ELMO1: variants seen among roughly 807,000 people sequenced by gnomAD.
The protein encoded by ELMO1 is engulfment and cell motility 1, also known as engulfment and cell motility protein 1.
A neutral mutation model predicts 98.9 loss-of-function variants in ELMO1; 26 were observed. That is an observed-to-expected ratio of 0.26 (90% CI 0.19 to 0.36). The LOEUF (loss-of-function observed/expected upper bound fraction) is 0.36, where lower values mean the gene tolerates loss of function less well. Ranked by LOEUF, ELMO1 falls within the 10% of genes least tolerant of loss-of-function variation. The pLI is 1.00. For missense variants in ELMO1, 627 were observed against 935.2 expected, an observed-to-expected ratio of 0.67 and a Z score of 4.30; for synonymous variants, 346 against 346.0, an observed-to-expected ratio of 1.00 and a Z score of 0.00.
intron 13 of ELMO1, among the ~76,000 whole-genome samples, chr7:37,180,457 T>C (rs1337965658): frequency 6.6e-6 from 1 of 151,826 alleles, no homozygotes. Flanking sequence ...CCTAGAAATG[T>C]CAAGGTCAAA....
At chr7:37,207,070 C>T (rs1422556776) in intron 13 of ELMO1, among the ~76,000 whole-genome samples, 1 of 152,138 alleles carries the variant, frequency 6.6e-6, no homozygotes. Flanking sequence ...AGGGCTCTAG[C>T]CAGGAACACA....
chr7:37,341,332 C>G lies in ELMO1; in HGVS notation c.78+1281G>C, dbSNP rs565194844. Among the ~76,000 whole-genome samples, 4 of 152,276 alleles carry G rather than the reference C, an allele frequency of 2.6e-5. No homozygotes were observed. In the East Asian group the frequency reaches 7.7e-4, roughly 29 times the overall value. ...AATCCAAACTACATTTAGTCTGCACCGAGTATCTCCAAACATTTTCTTAAG... is the reference window on the plus strand; with the variant it reads ...AATCCAAACTACATTTAGTCTGCACGGAGTATCTCCAAACATTTTCTTAAG... On this transcript the variant is annotated intron_variant, in intron 2 of 21. Transcript: ENST00000310758.
intron 15 of ELMO1, among the ~76,000 whole-genome samples, chr7:37,068,712 G>T (rs2129222442): frequency 1.3e-5 from 2 of 152,240 alleles, no homozygotes; most frequent in Middle Eastern, 3.4e-3. Context: ...ACTAAGGAGT[G>T]TTCATGCTGG....
Position 37,082,647 on chromosome 7 carries a change from C to G in ELMO1, c.1300+13972G>C, listed in dbSNP as rs1258096995. Among the ~76,000 whole-genome samples, 6 of 152,282 alleles carry G rather than the reference C, an allele frequency of 3.9e-5. No individual in the cohort carries two copies. In the East Asian group the frequency reaches 1.2e-3, roughly 29 times the overall value. On this transcript the variant is annotated intron_variant, in intron 15 of 21. Coordinates refer to ENST00000310758, the MANE Select transcript of ELMO1 (RefSeq NM_014800.11). ...TTGGGAGGCTGATATGGGAGGATCA[C>G]TTGAACCTGGGAAGCAGAGGTTGCA... is the stretch of plus-strand genomic sequence containing the variant.
chr7:37,060,396 T>A (rs903458502), intron 15 of ELMO1, among the ~76,000 whole-genome samples: 22 of 152,108 alleles, frequency 1.4e-4, no homozygotes, highest in Non-Finnish European at 3.2e-4. Flanking sequence ...CCTGAGTGAA[T>A]TAACCCAGGA....
rs560326684 is a variant in ELMO1, at chr7:37,103,072, A to T, written c.1192-6345T>A. ...TTATCCATAAAGGGTCGTAAAGATTAAATGGGAAAGCAAAATGGAAGTAAA... is the reference window on the plus strand; with the variant it reads ...TTATCCATAAAGGGTCGTAAAGATTTAATGGGAAAGCAAAATGGAAGTAAA... On this transcript the variant is annotated intron_variant, in intron 14 of 21. Transcript: ENST00000310758. Among the ~76,000 whole-genome samples, 5 of 152,364 alleles carry T rather than the reference A, an allele frequency of 3.3e-5. No homozygotes were observed. The South Asian group carries it at 1.0e-3, about 32-fold the overall frequency.
At chr7:37,149,560 T>C (rs1040218195) in intron 13 of ELMO1, among the ~76,000 whole-genome samples, 1 of 152,228 alleles carries the variant, frequency 6.6e-6, no homozygotes, top group African/African-American at 2.4e-5. Flanking sequence ...ACAAAAGTCA[T>C]ATTGGAACTC....
chr7:37,099,743 G>A (rs989529740), intron 14 of ELMO1, among the ~76,000 whole-genome samples: 17 of 152,180 alleles, frequency 1.1e-4, no homozygotes, highest in African/African-American at 3.9e-4. Flanking sequence ...TAATAAAGTA[G>A]GTATTATTAG....
intron 16 of ELMO1, among the ~76,000 whole-genome samples, chr7:36,964,370 A>T (rs1789229570): frequency 6.6e-6 from 1 of 152,222 alleles, no homozygotes; most frequent in South Asian, 2.1e-4. Flanking sequence ...AACGTAAAGT[A>T]TATTTTATAA....
intron 15 of ELMO1, among the ~76,000 whole-genome samples, chr7:37,080,600 ATTTTTTTTT>A (rs764259726): frequency 3.5e-4 from 37 of 105,220 alleles, no homozygotes; most frequent in Admixed American, 1.1e-3. Flanking sequence ...ACCACGCCTA[ATTTTTTTTT>A]TTTTTTTTTT....
intron 14 of ELMO1, among the ~76,000 whole-genome samples, chr7:37,103,047 T>C (rs1048127443): frequency 6.6e-6 from 1 of 152,156 alleles, no homozygotes; most frequent in African/African-American, 2.4e-5. Flanking sequence ...GAAGGAATAC[T>C]TATCCATAAA....
intron 1 of ELMO1, among the ~76,000 whole-genome samples, chr7:37,345,440 G>A (rs993464930): frequency 2.6e-5 from 4 of 151,898 alleles, no homozygotes; most frequent in South Asian, 2.1e-4. Flanking sequence ...GGCCAGGTGC[G>A]GTGGCTCACG....
chr7:37,263,091 G>A (rs892668888), intron 5 of ELMO1, among the ~76,000 whole-genome samples: 1 of 151,940 alleles, frequency 6.6e-6, no homozygotes, highest in Admixed American at 6.6e-5. Flanking sequence ...GAACAGGCAG[G>A]GATATACCTT....
At chr7:37,181,171 T>G (rs1790839120) in intron 13 of ELMO1, among the ~76,000 whole-genome samples, 2 of 152,090 alleles carry the variant, frequency 1.3e-5, no homozygotes, top group African/African-American at 2.4e-5. Context: ...TTGCCTGGAC[T>G]CAAAATGGGG....
chr7:37,423,402 A>G (rs1804565740), intron 1 of ELMO1, among the ~76,000 whole-genome samples: 1 of 152,218 alleles, frequency 6.6e-6, no homozygotes, highest in Non-Finnish European at 1.5e-5. Flanking sequence ...CAACATGGTG[A>G]AAGCCCATCT....
At chr7:36,884,004 G>T (rs1804700182) in intron 18 of ELMO1, among the ~76,000 whole-genome samples, 1 of 152,202 alleles carries the variant, frequency 6.6e-6, no homozygotes, top group East Asian at 1.9e-4. Flanking sequence ...GGGCTCCCAT[G>T]CTACTCCACC....
intron 1 of ELMO1, among the ~76,000 whole-genome samples, chr7:37,409,794 C>T (rs1191673539): frequency 1.3e-5 from 2 of 152,186 alleles, no homozygotes; most frequent in African/African-American, 4.8e-5. Flanking sequence ...TCAAAGCTGT[C>T]ACAACATTCC....
At chr7:37,123,874 T>C (rs910604547) in intron 14 of ELMO1, among the ~76,000 whole-genome samples, 2 of 152,158 alleles carry the variant, frequency 1.3e-5, no homozygotes, top group Non-Finnish European at 2.9e-5. Flanking sequence ...TGAACATTGA[T>C]GCAAAAATCC....
At chr7:37,171,119 C>A (rs1357724533) in intron 13 of ELMO1, among the ~76,000 whole-genome samples, 1 of 152,136 alleles carries the variant, frequency 6.6e-6, no homozygotes, top group South Asian at 2.1e-4. Flanking sequence ...GTAAAACTTA[C>A]CTGATGTATT....
Sources: gnomAD v4.1 joint callset for allele counts (sites outside exome capture counted in the v4.1 genomes callset) on GRCh38, gnomAD v4.1.1 for gene constraint, MANE v1.5 for transcripts, NCBI Gene and HGNC (gene_info 2026-07-23, HGNC 2026-07-21) for gene names.